Variants in KYNU observed in about 807,000 individuals in gnomAD.
KYNU encodes L-kynurenine hydrolase.
A neutral mutation model predicts 59.2 loss-of-function variants in KYNU; 54 were observed. That is an observed-to-expected ratio of 0.91 (90% CI 0.73 to 1.14). The LOEUF (loss-of-function observed/expected upper bound fraction) is 1.14, where lower values mean the gene tolerates loss of function less well. Among genes scored for constraint, KYNU ranks in the 50% most tolerant of loss-of-function variants. The pLI is 0.00. For missense variants in KYNU, 567 were observed against 554.4 expected (o/e 1.02, Z -0.23); for synonymous variants, 177 against 192.0 (o/e 0.92, Z 0.65).
rs369879960 is a variant in KYNU at position 142,927,652 on chromosome 2, A to G, written c.291-7A>G. The G allele has an allele frequency of 2.8e-4, 450 of 1,610,200 alleles. No individual in the cohort carries two copies. The highest frequency in any genetic ancestry group is 3.7e-4 in the Non-Finnish European group (434 of 1,176,738). On this transcript the variant is annotated splice_region_variant and splice_polypyrimidine_tract_variant and intron_variant, in intron 3 of 13. Coordinates refer to ENST00000264170, the MANE Select transcript of KYNU (RefSeq NM_003937.3). ...TAAGATATGTTTATGTCCGTTTTCA[A>G]TTTCAGAGCAGCCTATGGTCATGAA...
At chr2:143,029,503 T>C in intron 10 of KYNU, 124 bp from the exon 11 acceptor site, 1 of 701,002 alleles carries the variant, frequency 1.4e-6, no homozygotes, top group South Asian at 1.5e-5. Flanking sequence ...CAAGAATCGC[T>C]TGAACCCAAG....
At chr2:142,934,697 C>T (rs778069592) in intron 4 of KYNU, among the ~76,000 whole-genome samples, 4 of 152,156 alleles carry the variant, frequency 2.6e-5, no homozygotes, top group Admixed American at 2.0e-4. Flanking sequence ...ACCCTTGGCT[C>T]GGATGAAGAG....
At chr2:143,038,295 A>C (rs535978927) in intron 12 of KYNU, among the ~76,000 whole-genome samples, 153 of 152,290 alleles carry the variant, frequency 1.0e-3, no homozygotes, top group Admixed American at 1.4e-3. Context: ...AAGATTCCTC[A>C]CATAGTCTTT....
intron 4 of KYNU, among the ~76,000 whole-genome samples, chr2:142,939,286 C>A (rs1320041346): frequency 6.6e-6 from 1 of 152,032 alleles, no homozygotes; most frequent in Non-Finnish European, 1.5e-5. Context: ...TGTTGTAGAT[C>A]AGAATATCAA....
At chr2:143,002,635 T>C (rs529409408) in intron 10 of KYNU, among the ~76,000 whole-genome samples, 33 of 152,318 alleles carry the variant, frequency 2.2e-4, no homozygotes, top group South Asian at 4.1e-4. Flanking sequence ...GTTTGTTAAA[T>C]AAGAAGAAAG....
intron 7 of KYNU, among the ~76,000 whole-genome samples, chr2:142,958,384 G>C (rs77387032): frequency 6.6e-6 from 1 of 152,162 alleles, no homozygotes; most frequent in South Asian, 2.1e-4. Flanking sequence ...GAGATAAAAG[G>C]CTCACAGACT....
intron 4 of KYNU, among the ~76,000 whole-genome samples, chr2:142,940,927 A>G (rs1683576175): frequency 6.6e-6 from 1 of 152,250 alleles, no homozygotes; most frequent in South Asian, 2.1e-4. Flanking sequence ...CTATAAAGAT[A>G]CAACTCAGAA....
intron 4 of KYNU, among the ~76,000 whole-genome samples, chr2:142,933,364 A>C (rs1347550438): frequency 6.6e-6 from 1 of 152,108 alleles, no homozygotes; most frequent in East Asian, 1.9e-4. Flanking sequence ...GAGTAGACGG[A>C]AAGGTTGGGT....
chr2:142,959,818 C>G (rs529260256), intron 7 of KYNU, among the ~76,000 whole-genome samples: 13 of 152,210 alleles, frequency 8.5e-5, no homozygotes, highest in African/African-American at 3.1e-4. Context: ...GGGTCTTGAG[C>G]TTTAGATTAG....
At chr2:142,980,991 A>C (rs1209974012) in intron 8 of KYNU, among the ~76,000 whole-genome samples, 1 of 152,060 alleles carries the variant, frequency 6.6e-6, no homozygotes, top group Non-Finnish European at 1.5e-5. Flanking sequence ...ATCTAGTGAC[A>C]CTTTTGTGAA....
chr2:143,027,799 C>G (rs1376173467), intron 10 of KYNU, among the ~76,000 whole-genome samples: 1 of 152,008 alleles, frequency 6.6e-6, no homozygotes, highest in Non-Finnish European at 1.5e-5. Flanking sequence ...TTGGAAATGT[C>G]ATAATTAAGA....
At chr2:142,986,781 C>T (rs73964612) in intron 10 of KYNU, among the ~76,000 whole-genome samples, 2,863 of 151,472 alleles carry the variant, frequency 0.019, 96 homozygotes, top group African/African-American at 0.066. Flanking sequence ...ACTGTCTAGA[C>T]TCCTAATAGA....
At chr2:142,942,230 G>GT (rs1016883510) in intron 4 of KYNU, among the ~76,000 whole-genome samples, 3 of 150,906 alleles carry the variant, frequency 2.0e-5, no homozygotes, top group Admixed American at 1.3e-4. Context: ...TTTAGAATGT[G>GT]TTTTTTTGTG....
At chr2:142,910,415 T>C (rs1335379098) in intron 2 of KYNU, among the ~76,000 whole-genome samples, 1 of 152,118 alleles carries the variant, frequency 6.6e-6, no homozygotes, top group Non-Finnish European at 1.5e-5. Context: ...CATTTTTTAA[T>C]GGGGTTATTT....
chr2:142,982,168 C>G (rs1685069218), intron 8 of KYNU, among the ~76,000 whole-genome samples: 1 of 152,014 alleles, frequency 6.6e-6, no homozygotes, highest in African/African-American at 2.4e-5. Context: ...TCCAAAAAAT[C>G]TAGTTTGGAG....
chr2:142,916,009 T>C (rs1682657602), intron 2 of KYNU, among the ~76,000 whole-genome samples: 1 of 152,022 alleles, frequency 6.6e-6, no homozygotes, highest in Admixed American at 6.6e-5. Flanking sequence ...GAGATGGCCA[T>C]CTGTAAGCCA....
chr2:142,901,530 C>T (rs1027312528), intron 2 of KYNU, among the ~76,000 whole-genome samples: 3 of 152,038 alleles, frequency 2.0e-5, no homozygotes, highest in Non-Finnish European at 4.4e-5. Flanking sequence ...GTAAGACTGC[C>T]ACCTCTTTAG....
intron 8 of KYNU, among the ~76,000 whole-genome samples, chr2:142,972,737 A>G (rs1160605247): frequency 4.6e-5 from 7 of 151,460 alleles, no homozygotes; most frequent in Non-Finnish European, 8.8e-5. Flanking sequence ...TTGTCTATAT[A>G]TATATATGAA....
intron 4 of KYNU, among the ~76,000 whole-genome samples, chr2:142,949,154 G>A (rs1460243401): frequency 1.3e-5 from 2 of 152,204 alleles, no homozygotes; most frequent in Admixed American, 1.3e-4. Context: ...GTCTTGGGCA[G>A]CTCCACCCCT....
Sources: allele counts gnomAD v4.1 joint callset (sites outside exome capture counted in the v4.1 genomes callset), GRCh38; gene constraint gnomAD v4.1.1; transcripts MANE v1.5; gene names NCBI Gene and HGNC (gene_info 2026-07-23, HGNC 2026-07-21).